Variants in DPH6 observed in about 807,000 individuals in gnomAD.
DPH6 encodes diphthine--ammonia ligase.
In DPH6, 33 loss-of-function variants were observed where a neutral mutation model predicts 38.2. That is an observed-to-expected ratio of 0.86 (90% CI 0.65 to 1.15). The LOEUF (loss-of-function observed/expected upper bound fraction) is 1.15, where lower values mean the gene tolerates loss of function less well. Ranked by LOEUF, DPH6 falls within the 50% of genes most tolerant of loss-of-function variation. The pLI is 0.00. For synonymous variants in DPH6, 108 were observed against 103.0 expected, an observed-to-expected ratio of 1.05 and a Z score of -0.30; for missense variants, 325 against 320.0, an observed-to-expected ratio of 1.02 and a Z score of -0.12.
At chr15:35,173,573 A>G in the DPH6 span, among the ~76,000 whole-genome samples, 1 of 150,808 alleles carries the variant, frequency 6.6e-6, no homozygotes, top group Admixed American at 6.6e-5. Context: ...AAGCTCCTGC[A>G]TGCTTAAAAT....
chr15:35,447,805 A>G (rs2053875431), intron 5 of DPH6, among the ~76,000 whole-genome samples: 1 of 152,132 alleles, frequency 6.6e-6, no homozygotes, highest in South Asian at 2.1e-4. Context: ...AAACTAACAA[A>G]AAAAAAATCT....
intron 3 of DPH6, among the ~76,000 whole-genome samples, chr15:35,344,608 A>T (rs538137379): frequency 3.9e-5 from 6 of 152,012 alleles, no homozygotes; most frequent in South Asian, 4.1e-4. Context: ...AAAATTGAAT[A>T]AAAAAAGAGT....
intron 3 of DPH6, among the ~76,000 whole-genome samples, chr15:35,224,730 T>A (rs1033238198): frequency 3.9e-5 from 6 of 152,206 alleles, no homozygotes; most frequent in African/African-American, 1.4e-4. Context: ...CTCACCAGCA[T>A]GTGGTATTGT....
At chr15:35,495,243 T>C (rs1247994588) in intron 3 of DPH6, among the ~76,000 whole-genome samples, 1 of 152,178 alleles carries the variant, frequency 6.6e-6, no homozygotes, top group Non-Finnish European at 1.5e-5. Flanking sequence ...TTATCCAATA[T>C]GTCCGGTATC....
At chr15:35,373,123 T>C (rs562197676) in intron 8 of DPH6, among the ~76,000 whole-genome samples, 3 of 152,052 alleles carry the variant, frequency 2.0e-5, no homozygotes, top group Admixed American at 6.6e-5. Flanking sequence ...AAAGGTTTTA[T>C]TTCTCCTTTT....
intron 3 of DPH6, 119 bp downstream of exon 3, chr15:35,538,154 CT>C (rs1555409709): frequency 2.3e-6 from 2 of 877,540 alleles, no homozygotes; most frequent in Non-Finnish European, 3.2e-6. Context: ...AGACAAAATC[CT>C]TTTAAAGAAT....
At chr15:35,489,692 T>C in intron 3 of DPH6, 3 of 973,148 alleles carry the variant, frequency 3.1e-6, no homozygotes, top group Non-Finnish European at 3.7e-6. Flanking sequence ...AGATCTCTTT[T>C]GTCTAATAAT....
At chr15:35,192,396 C>T in the DPH6 span, among the ~76,000 whole-genome samples, 2 of 152,114 alleles carry the variant, frequency 1.3e-5, no homozygotes, top group Non-Finnish European at 2.9e-5. Flanking sequence ...TTTATTCTAC[C>T]TTATCCTTTG....
chr15:35,488,429 G>A (rs1428111245), intron 3 of DPH6, among the ~76,000 whole-genome samples: 4 of 152,174 alleles, frequency 2.6e-5, no homozygotes, highest in Non-Finnish European at 4.4e-5. Context: ...TTGGCTGGGA[G>A]GTCTCAAAAC....
intron 3 of DPH6, among the ~76,000 whole-genome samples, chr15:35,463,453 A>C (rs773058769): frequency 1.1e-4 from 17 of 152,172 alleles, no homozygotes; most frequent in Non-Finnish European, 2.2e-4. Flanking sequence ...TCCTAAACAA[A>C]AGGATGATTC....
intron 3 of DPH6, among the ~76,000 whole-genome samples, chr15:35,532,797 G>C (rs1011980431): frequency 2.0e-5 from 3 of 151,762 alleles, no homozygotes; most frequent in Non-Finnish European, 4.4e-5. Flanking sequence ...GGAGGGAAGA[G>C]AGAAGAGATT....
chr15:35,445,351 C>T (rs2053837873), intron 5 of DPH6, among the ~76,000 whole-genome samples: 3 of 150,326 alleles, frequency 2.0e-5, no homozygotes, highest in Non-Finnish European at 4.4e-5. Context: ...GTTCCGAATC[C>T]TCCATCTGTG....
chr15:35,522,825 G>A (rs1369834974), intron 3 of DPH6, among the ~76,000 whole-genome samples: 1 of 152,032 alleles, frequency 6.6e-6, no homozygotes, highest in African/African-American at 2.4e-5. Flanking sequence ...ATTTTTCTAT[G>A]CATGTACTTA....
chr15:35,442,439 G>GTAC (rs1032156646), intron 5 of DPH6, among the ~76,000 whole-genome samples: 3 of 152,078 alleles, frequency 2.0e-5, no homozygotes, highest in Non-Finnish European at 4.4e-5. Context: ...ATGTAAAGTG[G>GTAC]TACAGCCACT....
chr15:35,275,632 T>C (rs1449962334), intron 3 of DPH6, among the ~76,000 whole-genome samples: 1 of 151,436 alleles, frequency 6.6e-6, no homozygotes, highest in Admixed American at 6.6e-5. Context: ...GATGGGTTGA[T>C]AGATGCAGCA....
At chr15:35,399,994 C>T (rs1272770929) in intron 6 of DPH6, among the ~76,000 whole-genome samples, 1 of 152,214 alleles carries the variant, frequency 6.6e-6, no homozygotes, top group African/African-American at 2.4e-5. Context: ...ATTATGAGCA[C>T]ATGCTCCAAT....
intron 5 of DPH6, among the ~76,000 whole-genome samples, chr15:35,424,045 G>C (rs1420037406): frequency 6.7e-6 from 1 of 149,684 alleles, no homozygotes; most frequent in African/African-American, 2.5e-5. Flanking sequence ...GCTACTTGTG[G>C]TCTTTTGTGG....
chr15:35,326,841 C>A (rs1275484414), downstream of DPH6, among the ~76,000 whole-genome samples: 1 of 152,164 alleles, frequency 6.6e-6, no homozygotes, highest in African/African-American at 2.4e-5. Flanking sequence ...CCCATCCCTA[C>A]CTCACTAAGA....
At chr15:35,423,592 T>A (rs1284603642) in intron 5 of DPH6, among the ~76,000 whole-genome samples, 2 of 132,704 alleles carry the variant, frequency 1.5e-5, no homozygotes, top group Non-Finnish European at 3.1e-5. Flanking sequence ...GTGTTTTTGG[T>A]GTCATATAAA....
Sources: allele counts gnomAD v4.1 joint callset (sites outside exome capture counted in the v4.1 genomes callset), GRCh38; gene constraint gnomAD v4.1.1; transcripts MANE v1.5; gene names NCBI Gene and HGNC (gene_info 2026-07-23, HGNC 2026-07-21).